The following PDXDC1 variants were observed in gnomAD, a reference collection of about 807,000 sequenced individuals.
PDXDC1 encodes the protein pyridoxal-dependent decarboxylase domain-containing protein 1.
PDXDC1 carries 42 observed loss-of-function variants against 100.1 expected under a neutral mutation model. The observed-to-expected ratio is 0.42, with a 90% CI of 0.33 to 0.54. PDXDC1 has a LOEUF of 0.54. Among genes scored for constraint, PDXDC1 ranks in the 20% least tolerant of loss-of-function variants. The pLI, the probability that PDXDC1 is intolerant of heterozygous loss-of-function variation, is 0.10. For synonymous variants in PDXDC1, 260 were observed against 371.7 expected (o/e 0.70, Z 3.46); for missense variants, 636 against 979.2 (o/e 0.65, Z 4.68).
chr16:15,143,263 A>G (rs1366836707), downstream of PDXDC1, among the ~76,000 whole-genome samples: 2 of 152,098 alleles, frequency 1.3e-5, no homozygotes, highest in Non-Finnish European at 1.5e-5. Context: ...GTGTGGCCAC[A>G]GTACGGGTCT....
At chr16:15,083,179 T>G (rs1045750378) in intron 16 of PDXDC1, among the ~76,000 whole-genome samples, 1 of 152,184 alleles carries the variant, frequency 6.6e-6, no homozygotes, top group African/African-American at 2.4e-5. Flanking sequence ...GGCAGGCAGA[T>G]CACAAGGTCA....
At chr16:15,128,946 C>A (rs1424079289) in intron 16 of PDXDC1, among the ~76,000 whole-genome samples, 1 of 149,570 alleles carries the variant, frequency 6.7e-6, no homozygotes, top group Non-Finnish European at 1.5e-5. Flanking sequence ...GCTGGGACTA[C>A]AGGCGCCTGC....
At chr16:14,998,952 G>A (rs1299661074) in intron 3 of PDXDC1, among the ~76,000 whole-genome samples, 3 of 152,256 alleles carry the variant, frequency 2.0e-5, no homozygotes, top group African/African-American at 7.2e-5. Flanking sequence ...AAGTACAGTG[G>A]GTCACATCTG....
intron 16 of PDXDC1, chr16:15,131,535 G>A (rs574820691): frequency 1.1e-4 from 177 of 1,608,746 alleles, no homozygotes; most frequent in African/African-American, 2.9e-4. Flanking sequence ...CGATCTCCTC[G>A]CCCGCCAGTG....
chr16:15,043,888 C>T (rs953795481), intron 16 of PDXDC1, among the ~76,000 whole-genome samples: 2 of 151,834 alleles, frequency 1.3e-5, no homozygotes, highest in Non-Finnish European at 2.9e-5. Context: ...GCAGAGCTTG[C>T]AGTGAGCCGA....
chr16:15,052,816 CTCTG>C (rs1434969195), intron 16 of PDXDC1, among the ~76,000 whole-genome samples: 4 of 151,848 alleles, frequency 2.6e-5, no homozygotes, highest in East Asian at 1.9e-4. Flanking sequence ...CAGAGCAAGG[CTCTG>C]TCTCTCAAAA....
intron 16 of PDXDC1, chr16:15,061,879 G>A: frequency 6.2e-7 from 1 of 1,613,148 alleles, no homozygotes; most frequent in African/African-American, 1.3e-5. Flanking sequence ...CTTTCAGAAA[G>A]TCATCATCTT....
chr16:15,130,030 C>T, intron 16 of PDXDC1: 2 of 1,119,112 alleles, frequency 1.8e-6, no homozygotes, highest in Non-Finnish European at 2.7e-6. Flanking sequence ...TCACCAGGCA[C>T]ACAGCACATG....
downstream of PDXDC1, among the ~76,000 whole-genome samples, chr16:15,143,036 C>A (rs967673896): frequency 6.6e-6 from 1 of 152,122 alleles, no homozygotes; most frequent in Admixed American, 6.5e-5. Flanking sequence ...TGCCCGAGGG[C>A]CAGGATGTGC....
intron 16 of PDXDC1, among the ~76,000 whole-genome samples, chr16:15,071,693 A>G (rs1253138278): frequency 2.6e-5 from 4 of 152,154 alleles, no homozygotes; most frequent in African/African-American, 7.2e-5. Context: ...GCTTGAACCC[A>G]GGAGGCAGAG....
At chr16:15,019,870 T>A (rs1231253415) in intron 12 of PDXDC1, among the ~76,000 whole-genome samples, 2 of 152,268 alleles carry the variant, frequency 1.3e-5, no homozygotes, top group Admixed American at 6.5e-5. Flanking sequence ...TCCAGCACTT[T>A]GGGAGGCTGA....
chr16:15,022,114 G>T (rs1426874185), intron 12 of PDXDC1, among the ~76,000 whole-genome samples: 1 of 152,296 alleles, frequency 6.6e-6, no homozygotes, highest in Non-Finnish European at 1.5e-5. Context: ...AGGGACCTGG[G>T]ATTGAGACAT....
chr16:15,014,429 C>T (rs1300205490), intron 8 of PDXDC1, among the ~76,000 whole-genome samples: 2 of 152,276 alleles, frequency 1.3e-5, no homozygotes, highest in Admixed American at 1.3e-4. Context: ...AGTCACCAGA[C>T]ATTGCCAAGA....
intron 16 of PDXDC1, among the ~76,000 whole-genome samples, chr16:15,050,385 G>C (rs944967991): frequency 6.6e-6 from 1 of 152,158 alleles, no homozygotes; most frequent in Admixed American, 6.5e-5. Flanking sequence ...TCTTCTATCA[G>C]CTTCTTGCCA....
chr16:15,039,322 T>C (rs1460591394), downstream of PDXDC1, among the ~76,000 whole-genome samples: 2 of 152,196 alleles, frequency 1.3e-5, no homozygotes, highest in Non-Finnish European at 2.9e-5. Context: ...CAAACACATT[T>C]CCCAGTGAAA....
chr16:15,043,520 T>C (rs943846248), intron 16 of PDXDC1, among the ~76,000 whole-genome samples: 2 of 152,174 alleles, frequency 1.3e-5, no homozygotes, highest in South Asian at 2.1e-4. Flanking sequence ...ACAGCCTGAG[T>C]GGCAGAGTGA....
At position 15,075,295 on chromosome 16, in the gene PDXDC1, C is replaced by T. The variant is rs7201159; in HGVS notation, c.1399+45239C>T. Among the ~76,000 whole-genome samples the T allele has an allele frequency of 2.6e-3, 397 of 149,946 alleles. 2 individuals carry two copies. Among genetic ancestry groups the T allele is most frequent in the African/African-American group, 9.2e-3 (376 of 40,764 alleles). On this transcript the variant is annotated intron_variant, in intron 16 of 16. Coordinates refer to the PDXDC1 transcript ENST00000535621. ...TAAACTAAAACAAAGAAATGGACCACGCACAGTGGCTCACGCCTATAATTA... is the reference window on the plus strand; with the variant it reads ...TAAACTAAAACAAAGAAATGGACCATGCACAGTGGCTCACGCCTATAATTA...
At chr16:15,139,706 G>A (rs967820574), downstream of PDXDC1, among the ~76,000 whole-genome samples, 7 of 152,132 alleles carry the variant, frequency 4.6e-5, no homozygotes, top group African/African-American at 1.7e-4. Context: ...GCTTGAGCCA[G>A]GGAGGTCGAG....
intron 16 of PDXDC1, chr16:15,073,045 G>C (rs745423001): frequency 2.5e-5 from 41 of 1,612,384 alleles, no homozygotes; most frequent in Non-Finnish European, 3.1e-5. Flanking sequence ...ATCAGGTCGC[G>C]ATATAGATCC....
Sources: gnomAD v4.1 joint callset for allele counts (sites outside exome capture counted in the v4.1 genomes callset) on GRCh38, gnomAD v4.1.1 for gene constraint, MANE v1.5 for transcripts, NCBI Gene and HGNC (gene_info 2026-07-23, HGNC 2026-07-21) for gene names.